Variants in FAM193A observed in about 807,000 individuals in gnomAD.
FAM193A encodes the protein protein FAM193A.
A neutral mutation model predicts 126.5 loss-of-function variants in FAM193A; 22 were observed. That is an observed-to-expected ratio of 0.17 (90% confidence interval 0.12 to 0.25). FAM193A has a LOEUF of 0.25. FAM193A is among the 10% of genes least tolerant of loss of function. The pLI is 1.00. For synonymous variants in FAM193A, 761 were observed against 646.8 expected, an observed-to-expected ratio of 1.18 and a Z score of -2.68; for missense variants, 1,675 against 1,672.8, an observed-to-expected ratio of 1.00 and a Z score of -0.02.
intron 18 of FAM193A, among the ~76,000 whole-genome samples, chr4:2,697,847 C>T (rs377443114): frequency 1.3e-5 from 2 of 152,182 alleles, no homozygotes; most frequent in Non-Finnish European, 2.9e-5. Flanking sequence ...CGTCCAGCAT[C>T]GGGGTACCCA....
chr4:2,558,103 T>C (rs1738374344), intron 1 of FAM193A, among the ~76,000 whole-genome samples: 1 of 152,018 alleles, frequency 6.6e-6, no homozygotes, highest in Non-Finnish European at 1.5e-5. Context: ...TGAAACCCCG[T>C]CTCTACTAAA....
At chr4:2,700,637 T>G in intron 19 of FAM193A, 93 bp downstream of exon 19, 1 of 1,464,058 alleles carries the variant, frequency 6.8e-7, no homozygotes, top group Non-Finnish European at 9.2e-7. Flanking sequence ...TTTGGCATGC[T>G]CTCGCCATGT....
chr4:2,596,574 G>T (rs1370991503), intron 2 of FAM193A, among the ~76,000 whole-genome samples: 1 of 152,242 alleles, frequency 6.6e-6, no homozygotes, highest in Non-Finnish European at 1.5e-5. Flanking sequence ...GACCCTGAAG[G>T]GTGATTTTTG....
intron 20 of FAM193A, among the ~76,000 whole-genome samples, chr4:2,717,194 G>T (rs1577264697): frequency 6.6e-6 from 1 of 152,044 alleles, no homozygotes; most frequent in South Asian, 2.1e-4. Context: ...TGGCCAGGCA[G>T]GTCTCAAACT....
chr4:2,575,242 C>T (rs747351140), intron 1 of FAM193A, among the ~76,000 whole-genome samples: 18 of 152,224 alleles, frequency 1.2e-4, no homozygotes, highest in East Asian at 7.7e-4. Context: ...GGAAGAGAAT[C>T]CCAGGTGGCC....
intron 1 of FAM193A, among the ~76,000 whole-genome samples, chr4:2,575,285 G>C (rs1206391295): frequency 2.6e-5 from 4 of 152,128 alleles, no homozygotes; most frequent in Non-Finnish European, 5.9e-5. Context: ...GGTACACCAG[G>C]GACTTGGACA....
At chr4:2,689,448 T>C (rs1716112039) in intron 13 of FAM193A, 58 bp from the exon 14 acceptor site, 1 of 1,287,156 alleles carries the variant, frequency 7.8e-7, no homozygotes, top group Non-Finnish European at 1.1e-6. Context: ...GTTTAACTAC[T>C]TACCTAGGTA....
rs143387358 is a variant in FAM193A, at chr4:2,673,184, T to C, written c.2331+812T>C. On this transcript the variant is annotated intron_variant, in intron 13 of 20. Coordinates refer to ENST00000637812, the MANE Select transcript of FAM193A (RefSeq NM_001366318.2). ...TTCTTTTTTTTCTTTGTACCAGTTATTCTTGTCCAAAGGTAGCTCTAATCA... is the reference window on the plus strand; with the variant it reads ...TTCTTTTTTTTCTTTGTACCAGTTACTCTTGTCCAAAGGTAGCTCTAATCA... Among the ~76,000 whole-genome samples, 462 of 152,342 alleles carry C rather than the reference T, an allele frequency of 3.0e-3. 7 individuals carry two copies. The highest frequency in any genetic ancestry group is 6.3e-3 in the Admixed American group (97 of 15,296).
intron 5 of FAM193A, among the ~76,000 whole-genome samples, chr4:2,634,613 A>G (rs1178941724): frequency 6.6e-6 from 1 of 152,268 alleles, no homozygotes; most frequent in Non-Finnish European, 1.5e-5. Flanking sequence ...ATGATAATTC[A>G]GATTTGAAAA....
At chr4:2,595,462 C>G (rs1471376909) in intron 1 of FAM193A, among the ~76,000 whole-genome samples, 1 of 152,190 alleles carries the variant, frequency 6.6e-6, no homozygotes, top group Non-Finnish European at 1.5e-5. Context: ...CCTTTTCCTC[C>G]TACCTCTAAG....
At chr4:2,667,522 G>C (rs2109139094) in intron 12 of FAM193A, among the ~76,000 whole-genome samples, 1 of 152,222 alleles carries the variant, frequency 6.6e-6, no homozygotes, top group South Asian at 2.1e-4. Context: ...TATTGTTATA[G>C]CTCCCCTGAT....
intron 10 of FAM193A, among the ~76,000 whole-genome samples, chr4:2,660,667 C>T (rs1005605314): frequency 1.3e-5 from 2 of 152,210 alleles, no homozygotes; most frequent in African/African-American, 4.8e-5. Flanking sequence ...TCGTAGAGCA[C>T]ACAGGCATCA....
rs571774435 is a variant in FAM193A at position 2,653,921 on chromosome 4, A to G, written c.1312-3882A>G. Among the ~76,000 whole-genome samples the G allele has an allele frequency of 6.6e-5, 10 of 152,280 alleles. No homozygotes were observed. The East Asian group carries it at 1.9e-3, about 29-fold the overall frequency. On this transcript the variant is annotated intron_variant, in intron 7 of 20. Coordinates refer to ENST00000637812, the MANE Select transcript of FAM193A (RefSeq NM_001366318.2). ...CTGAAAACAACAGAAATTTATGCTC[A>G]CAGTTCTTGAGGCCAGAAGTTCAGA...
intron 13 of FAM193A, among the ~76,000 whole-genome samples, chr4:2,674,164 C>A (rs959062274): frequency 2.0e-5 from 3 of 152,148 alleles, no homozygotes; most frequent in South Asian, 2.1e-4. Flanking sequence ...ACATAAGATA[C>A]AATTATCAAA....
At chr4:2,671,739 T>C (rs1373008411) in intron 12 of FAM193A, among the ~76,000 whole-genome samples, 1 of 152,218 alleles carries the variant, frequency 6.6e-6, no homozygotes, top group African/African-American at 2.4e-5. Flanking sequence ...GGAGAATCCA[T>C]GTGTGACTAC....
intron 7 of FAM193A, chr4:2,655,202 T>C (rs1711532922): frequency 5.1e-6 from 3 of 587,884 alleles, no homozygotes; most frequent in Middle Eastern, 2.6e-4. Context: ...TAAAGAAGTT[T>C]ACCTTTATTT....
At chr4:2,661,708 C>T (rs778627052) in intron 10 of FAM193A, among the ~76,000 whole-genome samples, 8 of 152,152 alleles carry the variant, frequency 5.3e-5, no homozygotes, top group South Asian at 2.1e-4. Flanking sequence ...GAGATCACGA[C>T]GAGTTCCTAG....
At chr4:2,567,509 C>G (rs1560448422) in intron 1 of FAM193A, among the ~76,000 whole-genome samples, 1 of 152,028 alleles carries the variant, frequency 6.6e-6, no homozygotes, top group Non-Finnish European at 1.5e-5. Context: ...TAATGAGGTA[C>G]AATCATATTG....
intron 20 of FAM193A, among the ~76,000 whole-genome samples, chr4:2,721,993 G>A (rs969527802): frequency 5.3e-5 from 8 of 152,190 alleles, no homozygotes; most frequent in African/African-American, 1.7e-4. Context: ...CAGTTCCCTC[G>A]ATATGAGGCC....
Sources: gnomAD v4.1 joint callset for allele counts (sites outside exome capture counted in the v4.1 genomes callset) on GRCh38, gnomAD v4.1.1 for gene constraint, MANE v1.5 for transcripts, NCBI Gene and HGNC (gene_info 2026-07-23, HGNC 2026-07-21) for gene names.